The following CACNA2D3 variants were observed in gnomAD, a reference collection of about 807,000 sequenced individuals.
CACNA2D3 encodes the protein calcium voltage-gated channel auxiliary subunit alpha2delta 3.
A neutral mutation model predicts 160.6 loss-of-function variants in CACNA2D3; 60 were observed. That is an observed-to-expected ratio of 0.37 (90% CI 0.30 to 0.46). CACNA2D3 has a LOEUF of 0.46. CACNA2D3 is among the 20% of genes least tolerant of loss of function. CACNA2D3 has a pLI of 1.00. For missense variants in CACNA2D3, 1,205 were observed against 1,365.0 expected, an observed-to-expected ratio of 0.88 and a Z score of 1.85; for synonymous variants, 558 against 492.9, an observed-to-expected ratio of 1.13 and a Z score of -1.75.
intron 14 of CACNA2D3, among the ~76,000 whole-genome samples, chr3:54,829,089 G>T (rs536649623): frequency 2.0e-5 from 3 of 152,312 alleles, no homozygotes; most frequent in South Asian, 2.1e-4. Context: ...TAAGAGCAGA[G>T]CAAAATCCAC....
At chr3:54,515,956 C>T (rs1046414168) in intron 5 of CACNA2D3, among the ~76,000 whole-genome samples, 16 of 152,150 alleles carry the variant, frequency 1.1e-4, no homozygotes, top group South Asian at 6.2e-4. Context: ...AGTGGACCCT[C>T]GAGATGGGAG....
At chr3:54,863,725 A>T (rs1181600392) in intron 17 of CACNA2D3, among the ~76,000 whole-genome samples, 3 of 151,620 alleles carry the variant, frequency 2.0e-5, no homozygotes, top group Non-Finnish European at 4.4e-5. Flanking sequence ...TTTTTTTTAA[A>T]AAAAAAATAC....
At chr3:54,529,769 A>G (rs1380777033) in intron 5 of CACNA2D3, among the ~76,000 whole-genome samples, 2 of 152,090 alleles carry the variant, frequency 1.3e-5, no homozygotes, top group Non-Finnish European at 2.9e-5. Flanking sequence ...TATAATTCTT[A>G]TTATTTTTGT....
At chr3:55,039,412 T>C (rs991880316) in intron 35 of CACNA2D3, among the ~76,000 whole-genome samples, 2 of 152,184 alleles carry the variant, frequency 1.3e-5, no homozygotes, top group Non-Finnish European at 2.9e-5. Flanking sequence ...AAAAGATGAA[T>C]TGTGAAATGT....
chr3:54,870,439 C>G (rs925277802), intron 17 of CACNA2D3, among the ~76,000 whole-genome samples: 2 of 152,160 alleles, frequency 1.3e-5, no homozygotes, highest in African/African-American at 4.8e-5. Flanking sequence ...AAGCAGTATA[C>G]ATGCATATAT....
intron 11 of CACNA2D3, among the ~76,000 whole-genome samples, chr3:54,708,033 C>T: frequency 6.6e-6 from 1 of 152,048 alleles, no homozygotes; most frequent in East Asian, 1.9e-4. Flanking sequence ...CTTTCAAGTG[C>T]TGAACAATGA....
intron 2 of CACNA2D3, among the ~76,000 whole-genome samples, chr3:54,139,596 A>G (rs772269669): frequency 7.9e-5 from 12 of 152,242 alleles, no homozygotes; most frequent in Non-Finnish European, 1.5e-4. Context: ...AAAAGGGACT[A>G]AAATATTTGA....
chr3:54,551,597 G>C (rs1702157527), intron 5 of CACNA2D3, among the ~76,000 whole-genome samples: 1 of 152,140 alleles, frequency 6.6e-6, no homozygotes, highest in Non-Finnish European at 1.5e-5. Context: ...GTTTCCAAAA[G>C]GGGTCCTGGG....
intron 35 of CACNA2D3, among the ~76,000 whole-genome samples, chr3:55,049,972 C>G (rs1704153645): frequency 6.6e-6 from 1 of 150,638 alleles, no homozygotes; most frequent in African/African-American, 2.5e-5. Flanking sequence ...CTTCGTCCAT[C>G]CTTTTATTTT....
At chr3:54,351,005 T>G (rs1319741936) in intron 3 of CACNA2D3, among the ~76,000 whole-genome samples, 1 of 132,048 alleles carries the variant, frequency 7.6e-6, no homozygotes, top group Non-Finnish European at 1.6e-5. Flanking sequence ...TTTTTTTTTT[T>G]TGAGACAGAG....
At chr3:54,522,907 C>CATTTATTT (rs36129743) in intron 5 of CACNA2D3, among the ~76,000 whole-genome samples, 196 of 146,418 alleles carry the variant, frequency 1.3e-3, no homozygotes, top group African/African-American at 4.3e-3. Flanking sequence ...ACCAAAGCAC[C>CATTTATTT]ATTTATTTAT....
intron 13 of CACNA2D3, among the ~76,000 whole-genome samples, chr3:54,810,442 G>C (rs1352674756): frequency 1.3e-5 from 2 of 152,146 alleles, no homozygotes; most frequent in African/African-American, 2.4e-5. Flanking sequence ...CTCTATAGTA[G>C]AGTGCGGATC....
At chr3:54,581,358 C>T (rs1454300806) in intron 8 of CACNA2D3, among the ~76,000 whole-genome samples, 1 of 152,156 alleles carries the variant, frequency 6.6e-6, no homozygotes, top group African/African-American at 2.4e-5. Context: ...AACATCAAGG[C>T]TTATTCTGTC....
intron 2 of CACNA2D3, among the ~76,000 whole-genome samples, chr3:54,279,337 C>CTG (rs1702818763): frequency 6.6e-6 from 1 of 152,172 alleles, no homozygotes; most frequent in African/African-American, 2.4e-5. Flanking sequence ...GTGACCTTCA[C>CTG]TGTGTGTGTG....
At chr3:55,037,764 C>T (rs1703860899) in intron 35 of CACNA2D3, among the ~76,000 whole-genome samples, 1 of 152,164 alleles carries the variant, frequency 6.6e-6, no homozygotes, top group African/African-American at 2.4e-5. Context: ...CCCTCTGAAG[C>T]AATAAGTTTG....
intron 11 of CACNA2D3, among the ~76,000 whole-genome samples, chr3:54,708,859 C>G (rs1426720296): frequency 1.3e-5 from 2 of 152,050 alleles, no homozygotes; most frequent in African/African-American, 2.4e-5. Flanking sequence ...TTAAGTTTTT[C>G]TCTTTTTCTG....
intron 3 of CACNA2D3, among the ~76,000 whole-genome samples, chr3:54,329,263 G>A (rs527432986): frequency 2.6e-5 from 4 of 151,786 alleles, no homozygotes; most frequent in Non-Finnish European, 4.4e-5. Context: ...TGCCTTTACT[G>A]TGGCCCCAGT....
At chr3:54,975,561 T>C (rs76308793) in intron 29 of CACNA2D3, among the ~76,000 whole-genome samples, 4,053 of 148,092 alleles carry the variant, frequency 0.027, 73 homozygotes, top group Middle Eastern at 0.05. Flanking sequence ...CGTGGCCCCC[T>C]TTGGTGGAAA....
chr3:54,659,724 C>T (rs1055548437), intron 11 of CACNA2D3, among the ~76,000 whole-genome samples: 4 of 152,164 alleles, frequency 2.6e-5, no homozygotes, highest in African/African-American at 4.8e-5. Flanking sequence ...AATTTCCTTG[C>T]ACCTTGAACA....
Sources: allele counts gnomAD v4.1 joint callset (sites outside exome capture counted in the v4.1 genomes callset), GRCh38; gene constraint gnomAD v4.1.1; transcripts MANE v1.5; gene names NCBI Gene and HGNC (gene_info 2026-07-23, HGNC 2026-07-21).